Variants in TENM4 observed in about 807,000 individuals in gnomAD.
TENM4 encodes teneurin transmembrane protein 4, also known as teneurin-4.
Under a neutral mutation model 243.3 loss-of-function variants are expected in TENM4, and 82 were observed. The ratio of observed to expected loss-of-function variants is 0.34; its 90% CI spans 0.28 to 0.40. The LOEUF is 0.40. Ranked by LOEUF, TENM4 falls within the 10% of genes least tolerant of loss-of-function variation. The pLI is 1.00. For synonymous variants in TENM4, 1,412 were observed against 1,456.3 expected, an observed-to-expected ratio of 0.97 and a Z score of 0.69; for missense variants, 3,138 against 3,673.3, an observed-to-expected ratio of 0.85 and a Z score of 3.77.
chr11:79,057,157 G>C (rs559585092), intron 6 of TENM4, among the ~76,000 whole-genome samples: 2 of 152,132 alleles, frequency 1.3e-5, no homozygotes, highest in African/African-American at 4.8e-5. Flanking sequence ...GCCTTTGCCT[G>C]TTAGTCTACT....
chr11:78,702,367 G>A lies in TENM4; in HGVS notation c.4246C>T (p.Pro1416Ser). The change falls in exon 28 of 34, where the codon CCA (proline) becomes TCA (serine). Residue 1416 changes from proline to serine, a missense_variant. Physicochemically the swap from Pro to Ser is moderately conservative, Grantham distance 74. Transcript: ENST00000278550. ...LEWPTDLAIN[P>S]MDNSLYVLDN... is the part of the protein sequence containing the mutation. ...AGGACATAAAGTGAGTTGTCCATTG[G>A]GTTGATGGCTAAGTCTGTGGGCCAC... 6.2e-7 allele frequency: 1 copy of A among 1,613,630 alleles called. No individual in the cohort carries two copies.
chr11:78,986,572 G>A (rs1268746214), intron 6 of TENM4, among the ~76,000 whole-genome samples: 1 of 152,124 alleles, frequency 6.6e-6, no homozygotes, highest in Non-Finnish European at 1.5e-5. Flanking sequence ...TTTTGTTGTT[G>A]TTTGTTTTTT....
chr11:79,243,816 C>T (rs1373905909), intron 2 of TENM4, among the ~76,000 whole-genome samples: 4 of 152,198 alleles, frequency 2.6e-5, no homozygotes, highest in Non-Finnish European at 5.9e-5. Flanking sequence ...CAAGAGCAGG[C>T]GGCAACTGAG....
chr11:78,777,087 T>C (rs1336458051), intron 17 of TENM4, among the ~76,000 whole-genome samples: 1 of 152,168 alleles, frequency 6.6e-6, no homozygotes, highest in Non-Finnish European at 1.5e-5. Context: ...GACTCATGGA[T>C]GTGAAAAAAC....
At chr11:78,967,478 A>C (rs942644914) in intron 6 of TENM4, among the ~76,000 whole-genome samples, 4 of 152,208 alleles carry the variant, frequency 2.6e-5, no homozygotes, top group African/African-American at 9.7e-5. Context: ...CAGGAAAGTG[A>C]CAAGACCGGG....
At chr11:78,819,441 TAGG>T (rs753622302) in intron 12 of TENM4, among the ~76,000 whole-genome samples, 42 of 152,262 alleles carry the variant, frequency 2.8e-4, no homozygotes, top group Middle Eastern at 3.4e-3. Flanking sequence ...AAAATCCTAT[TAGG>T]AGGACTACCT....
rs1555048297 is a variant in TENM4 at position 79,321,662 on chromosome 11, A to AAAG, written c.-320-24122_-320-24120dup. Among the ~76,000 whole-genome samples the AAAG allele has an allele frequency of 3.9e-4, 57 of 145,956 alleles. 1 individual carries two copies. Among genetic ancestry groups the AAAG allele is most frequent in the South Asian group, 4.3e-4 (2 of 4,684 alleles). On this transcript the variant is annotated intron_variant, in intron 1 of 33. Transcript: ENST00000278550. ...TACCAAAAAAAAAAAAAAAAAAAAA[A>AAAG]AAGGGAGAGAGAACTTGGGACATGC...
intron 1 of TENM4, among the ~76,000 whole-genome samples, chr11:79,374,081 A>G (rs758311134): frequency 1.4e-4 from 22 of 152,150 alleles, no homozygotes; most frequent in Non-Finnish European, 3.2e-4. Context: ...AAAAGAGGAC[A>G]TGACAATTTT....
At chr11:79,147,007 A>G (rs1862406135) in intron 4 of TENM4, among the ~76,000 whole-genome samples, 1 of 152,136 alleles carries the variant, frequency 6.6e-6, no homozygotes. Flanking sequence ...ACACACATGC[A>G]TAGACGTGTG....
chr11:78,736,477 T>TGTGTGTGTGTGTGTGTGTGC (rs1328804792), intron 20 of TENM4, among the ~76,000 whole-genome samples: 4 of 102,068 alleles, frequency 3.9e-5, no homozygotes, highest in African/African-American at 1.0e-4. Flanking sequence ...TGTGTGTGTG[T>TGTGTGTGTGTGTGTGTGTGC]GTGCGCGCGC....
chr11:79,141,654 C>G (rs550938650), intron 4 of TENM4, among the ~76,000 whole-genome samples: 1 of 152,106 alleles, frequency 6.6e-6, no homozygotes, highest in South Asian at 2.1e-4. Context: ...GCCAATATTA[C>G]CCTGATACCC....
chr11:79,191,133 G>A (rs1375047627), intron 3 of TENM4, among the ~76,000 whole-genome samples: 1 of 46,850 alleles, frequency 2.1e-5, no homozygotes, highest in African/African-American at 1.0e-4. Flanking sequence ...TCCCTCTCCC[G>A]TCTCCCTCTC....
At chr11:78,699,126 G>C (rs1388359953) in intron 28 of TENM4, among the ~76,000 whole-genome samples, 1 of 150,956 alleles carries the variant, frequency 6.6e-6, no homozygotes, top group Non-Finnish European at 1.5e-5. Flanking sequence ...AATATTGCTT[G>C]CATTAACAAC....
At chr11:78,815,421 C>T (rs937750619) in intron 12 of TENM4, among the ~76,000 whole-genome samples, 3 of 152,108 alleles carry the variant, frequency 2.0e-5, no homozygotes, top group Admixed American at 1.3e-4. Context: ...ATTCCTTCTG[C>T]ACTACTTGCA....
At chr11:79,060,379 A>G (rs1372866807) in intron 6 of TENM4, among the ~76,000 whole-genome samples, 1 of 152,216 alleles carries the variant, frequency 6.6e-6, no homozygotes, top group Non-Finnish European at 1.5e-5. Flanking sequence ...ATTGTCTTTA[A>G]TGGACCCCAT....
At chr11:79,380,547 C>A (rs977048615) in intron 1 of TENM4, among the ~76,000 whole-genome samples, 2 of 152,158 alleles carry the variant, frequency 1.3e-5, no homozygotes, top group African/African-American at 4.8e-5. Context: ...ATTAACAAAG[C>A]AAAGATTCCT....
chr11:78,959,625 C>G (rs1487329423), intron 6 of TENM4, among the ~76,000 whole-genome samples: 1 of 152,130 alleles, frequency 6.6e-6, no homozygotes, highest in Non-Finnish European at 1.5e-5. Context: ...ATGAGACATG[C>G]TTATTACCAA....
intron 2 of TENM4, among the ~76,000 whole-genome samples, chr11:79,225,013 C>T (rs954477646): frequency 6.6e-6 from 1 of 151,926 alleles, no homozygotes; most frequent in Admixed American, 6.6e-5. Flanking sequence ...AGGGAAGATG[C>T]CAGGTGAAGA....
At chr11:78,810,653 C>G (rs1051919595) in intron 14 of TENM4, among the ~76,000 whole-genome samples, 1 of 152,218 alleles carries the variant, frequency 6.6e-6, no homozygotes, top group Non-Finnish European at 1.5e-5. Context: ...ATCAGGACTT[C>G]CAGCCACGCT....
Sources: gnomAD v4.1 joint callset for allele counts (sites outside exome capture counted in the v4.1 genomes callset) on GRCh38, gnomAD v4.1.1 for gene constraint, MANE v1.5 for transcripts, NCBI Gene and HGNC (gene_info 2026-07-23, HGNC 2026-07-21) for gene names.